Variants in PCSK5 observed in about 807,000 individuals in gnomAD.
PCSK5 encodes prohormone convertase 5.
Under a neutral mutation model 233.2 loss-of-function variants are expected in PCSK5, and 129 were observed. That is an observed-to-expected ratio of 0.55 (90% CI 0.48 to 0.64). The LOEUF is 0.64. PCSK5 is among the 30% of genes least tolerant of loss of function. The pLI is 0.00. For synonymous variants in PCSK5, 825 were observed against 879.2 expected (o/e 0.94, Z 1.09); for missense variants, 2,076 against 2,430.1 (o/e 0.85, Z 3.06).
chr9:76,330,967 G>C (rs1025276638), intron 33 of PCSK5, among the ~76,000 whole-genome samples: 3 of 152,072 alleles, frequency 2.0e-5, no homozygotes, highest in African/African-American at 7.2e-5. Context: ...CCTTCATATA[G>C]AGAAGACAGC....
At chr9:76,052,918 T>A (rs1829683276) in intron 5 of PCSK5, among the ~76,000 whole-genome samples, 1 of 152,128 alleles carries the variant, frequency 6.6e-6, no homozygotes, top group African/African-American at 2.4e-5. Context: ...GGGCTGTGGG[T>A]CCCATGTAAG....
chr9:75,908,921 A>C (rs376076795), intron 1 of PCSK5, among the ~76,000 whole-genome samples: 244 of 113,344 alleles, frequency 2.2e-3, no homozygotes, highest in East Asian at 0.017. Context: ...CTATCTATCT[A>C]TCTCTCTATC....
intron 16 of PCSK5, among the ~76,000 whole-genome samples, chr9:76,184,086 T>C (rs1823991509): frequency 6.6e-6 from 1 of 152,240 alleles, no homozygotes; most frequent in Admixed American, 6.5e-5. Flanking sequence ...TGAATTGTAA[T>C]AACATTTATA....
intron 36 of PCSK5, among the ~76,000 whole-genome samples, chr9:76,351,698 G>GAAGGAAGGAGATTCATTTGCC (rs1554724887): frequency 7.1e-6 from 1 of 139,980 alleles, no homozygotes; most frequent in South Asian, 2.4e-4. Flanking sequence ...AGGGAGGAAG[G>GAAGGAAGGAGATTCATTTGCC]AAGGAGATTC....
chr9:76,111,537 CAG>C (rs1832215203), intron 9 of PCSK5, among the ~76,000 whole-genome samples: 1 of 152,064 alleles, frequency 6.6e-6, no homozygotes, highest in African/African-American at 2.4e-5. Context: ...GTGGTACCCT[CAG>C]AACATTTTTA....
chr9:75,979,370 G>A (rs571289122), intron 2 of PCSK5, among the ~76,000 whole-genome samples: 1 of 152,296 alleles, frequency 6.6e-6, no homozygotes, highest in South Asian at 2.1e-4. Flanking sequence ...GGCCTTGCTT[G>A]ATCCCTCTTT....
intron 7 of PCSK5, among the ~76,000 whole-genome samples, chr9:76,076,405 A>G (rs1009285294): frequency 1.3e-5 from 2 of 152,216 alleles, no homozygotes; most frequent in Non-Finnish European, 2.9e-5. Flanking sequence ...ACTGCTGTGT[A>G]AACAGTAACT....
chr9:76,153,991 T>C (rs932683851), intron 10 of PCSK5, among the ~76,000 whole-genome samples: 49 of 152,316 alleles, frequency 3.2e-4, no homozygotes, highest in African/African-American at 1.1e-3. Context: ...ATTTTGAGTA[T>C]GAAAATTGTA....
Position 76,145,226 on chromosome 9 carries a change from A to G in PCSK5, c.1312+11014A>G, listed in dbSNP as rs535489487. On this transcript the variant is annotated intron_variant, in intron 10 of 37. Coordinates refer to ENST00000674117, the MANE Select transcript of PCSK5 (RefSeq NM_001372043.1). ...TAAAATCTCAGACTCTTAAGTGATC[A>G]TAAGTGCCAAGCACAAATCTATAAT... Among the ~76,000 whole-genome samples, 5 of 152,354 alleles carry G rather than the reference A, an allele frequency of 3.3e-5. No individual in the cohort carries two copies. In the East Asian group the frequency reaches 9.6e-4, roughly 29 times the overall value.
intron 20 of PCSK5, among the ~76,000 whole-genome samples, chr9:76,215,658 A>T (rs1825497759): frequency 6.6e-6 from 1 of 152,162 alleles, no homozygotes; most frequent in African/African-American, 2.4e-5. Flanking sequence ...GTGGTGGCTC[A>T]TGCCTGTAAT....
chr9:76,130,544 G>A (rs6560502), intron 9 of PCSK5, among the ~76,000 whole-genome samples: 109,564 of 152,120 alleles, frequency 0.72, 40,245 homozygotes, highest in African/African-American at 0.88. Context: ...CCCACGTCAT[G>A]TGATTTTCAA....
chr9:76,263,328 C>T (rs560634185), intron 24 of PCSK5, among the ~76,000 whole-genome samples: 21 of 152,232 alleles, frequency 1.4e-4, no homozygotes, highest in African/African-American at 2.4e-4. Flanking sequence ...CACATGCACA[C>T]GTATGTTTAT....
At chr9:76,106,203 G>A (rs1011742600) in intron 8 of PCSK5, among the ~76,000 whole-genome samples, 2 of 152,168 alleles carry the variant, frequency 1.3e-5, no homozygotes, top group Non-Finnish European at 2.9e-5. Flanking sequence ...GCGAAAGACA[G>A]ATTTACTAAT....
At chr9:76,274,230 A>G (rs1341532893) in intron 24 of PCSK5, among the ~76,000 whole-genome samples, 1 of 151,844 alleles carries the variant, frequency 6.6e-6, no homozygotes, top group Non-Finnish European at 1.5e-5. Context: ...TAATCTATCC[A>G]CTGAGCTTTA....
intron 5 of PCSK5, among the ~76,000 whole-genome samples, chr9:76,038,574 C>A (rs1828962996): frequency 6.6e-6 from 1 of 152,170 alleles, no homozygotes; most frequent in African/African-American, 2.4e-5. Context: ...TGATTGTTTT[C>A]TTCTCTTATC....
At chr9:76,324,811 T>C (rs2259832) in intron 32 of PCSK5, among the ~76,000 whole-genome samples, 84,375 of 151,670 alleles carry the variant, frequency 0.56, 24,447 homozygotes, top group African/African-American at 0.69. Context: ...GGATTCACTC[T>C]GTTGAGGCAG....
intron 7 of PCSK5, among the ~76,000 whole-genome samples, chr9:76,075,702 A>G (rs1830620966): frequency 6.6e-6 from 1 of 152,234 alleles, no homozygotes; most frequent in Non-Finnish European, 1.5e-5. Context: ...TTATTTAAGG[A>G]ATGAAGAAAT....
intron 3 of PCSK5, among the ~76,000 whole-genome samples, chr9:76,009,856 A>G (rs1162467432): frequency 6.6e-6 from 1 of 152,112 alleles, no homozygotes; most frequent in East Asian, 1.9e-4. Flanking sequence ...CCCTAGGTTT[A>G]TGTTTATGTA....
intron 27 of PCSK5, among the ~76,000 whole-genome samples, chr9:76,297,783 G>A (rs879698408): frequency 2.6e-5 from 4 of 152,166 alleles, no homozygotes; most frequent in Admixed American, 6.5e-5. Flanking sequence ...TGCTGTACAG[G>A]AGGAGTGTGC....
Sources: gnomAD v4.1 joint callset for allele counts (sites outside exome capture counted in the v4.1 genomes callset) on GRCh38, gnomAD v4.1.1 for gene constraint, MANE v1.5 for transcripts, NCBI Gene and HGNC (gene_info 2026-07-23, HGNC 2026-07-21) for gene names.